SNX25: variants seen among roughly 807,000 people sequenced by gnomAD.
SNX25 encodes sorting nexin-25.
Under a neutral mutation model 113.7 loss-of-function variants are expected in SNX25, and 62 were observed. The ratio of observed to expected loss-of-function variants is 0.55; its 90% CI spans 0.44 to 0.67. The LOEUF (loss-of-function observed/expected upper bound fraction) is 0.67. SNX25 is among the 30% of genes least tolerant of loss of function. The pLI is 0.00. For missense variants in SNX25, 1,014 were observed against 1,161.0 expected (o/e 0.87, Z 1.84); for synonymous variants, 421 against 436.2 (o/e 0.97, Z 0.43).
upstream of SNX25, among the ~76,000 whole-genome samples, chr4:185,206,660 CAAAAAAAAAA>C (rs375061067): frequency 1.0e-4 from 8 of 77,438 alleles, no homozygotes; most frequent in East Asian, 2.8e-3. Context: ...ACTCTTGTCT[CAAAAAAAAAA>C]AAAAAAAAAA....
At chr4:185,307,529 A>G (rs1353277217) in intron 6 of SNX25, among the ~76,000 whole-genome samples, 3 of 151,934 alleles carry the variant, frequency 2.0e-5, no homozygotes, top group Non-Finnish European at 4.4e-5. Context: ...GCCTCTGATC[A>G]CTCAGTCTTT....
At chr4:185,314,800 G>A (rs2095057924) in intron 7 of SNX25, among the ~76,000 whole-genome samples, 3 of 147,868 alleles carry the variant, frequency 2.0e-5, no homozygotes, top group African/African-American at 7.5e-5. Flanking sequence ...GGAAGTTGCA[G>A]TGAGCCGAGA....
intron 7 of SNX25, among the ~76,000 whole-genome samples, chr4:185,312,956 T>G (rs931556649): frequency 6.6e-6 from 1 of 152,222 alleles, no homozygotes; most frequent in African/African-American, 2.4e-5. Flanking sequence ...CCAATAGTTA[T>G]GGTCATTTGC....
At chr4:185,212,491 G>GTTTGTTTT (rs1553980597) in intron 1 of SNX25, among the ~76,000 whole-genome samples, 1 of 104,944 alleles carries the variant, frequency 9.5e-6, no homozygotes. Flanking sequence ...GTGTGTGTGT[G>GTTTGTTTT]TTTTTTTTTT....
chr4:185,340,392 G>T (rs1034983500), intron 11 of SNX25, among the ~76,000 whole-genome samples: 7 of 152,134 alleles, frequency 4.6e-5, no homozygotes, highest in African/African-American at 1.7e-4. Context: ...GTACATGAGG[G>T]CCTAACCAGG....
At chr4:185,360,206 TTC>T (rs1344490483) in intron 16 of SNX25, among the ~76,000 whole-genome samples, 1 of 152,240 alleles carries the variant, frequency 6.6e-6, no homozygotes, top group East Asian at 1.9e-4. Context: ...GGTCAGCAGA[TTC>T]TCTCTTAAAC....
At chr4:185,348,637 C>T (rs1561042759) in intron 13 of SNX25, among the ~76,000 whole-genome samples, 1 of 152,046 alleles carries the variant, frequency 6.6e-6, no homozygotes, top group Non-Finnish European at 1.5e-5. Flanking sequence ...CCTCAGGTGA[C>T]CAATCTGCCT....
intron 6 of SNX25, among the ~76,000 whole-genome samples, chr4:185,309,866 A>G (rs769459139): frequency 3.3e-5 from 5 of 152,194 alleles, no homozygotes; most frequent in Non-Finnish European, 7.3e-5. Context: ...GCTTCTCAGT[A>G]CTTTTGGGCT....
chr4:185,334,797 G>A lies in SNX25; in HGVS notation c.1914+2038G>A, dbSNP rs2095218634. Among the ~76,000 whole-genome samples, 1 of 152,114 alleles carries A rather than the reference G, an allele frequency of 6.6e-6. No homozygotes were observed. The highest frequency in any genetic ancestry group is 1.5e-5 in the Non-Finnish European group (1 of 68,022). On this transcript the variant is annotated intron_variant, in intron 10 of 18. Transcript: ENST00000652585. The surrounding 1 kb of genome is among the most constrained non-coding windows in gnomAD (Gnocchi z 4.2). ...TATGAAAGAATTCTCAAGAAACTTG[G>A]AGCGATTCACTGGTACTGTGGCTTA... is the stretch of plus-strand genomic sequence containing the variant.
At chr4:185,295,400 A>G (rs574719738) in intron 6 of SNX25, among the ~76,000 whole-genome samples, 51 of 152,234 alleles carry the variant, frequency 3.4e-4, no homozygotes, top group African/African-American at 1.2e-3. Flanking sequence ...ATACATTAAT[A>G]CACACAATAT....
rs147944826 is a variant in SNX25, at chr4:185,324,626, T to C, written c.1749+826T>C. Among the ~76,000 whole-genome samples the C allele has an allele frequency of 4.5e-3, 692 of 152,198 alleles. 3 individuals are homozygous for C. The highest frequency in any genetic ancestry group is 0.01 in the Middle Eastern group (3 of 294). On this transcript the variant is annotated intron_variant, in intron 9 of 18. Coordinates refer to ENST00000652585, the MANE Select transcript of SNX25 (RefSeq NM_001378034.2). ...TTGTCTCTGGTCGGGGAGGGATTTATCTTAGGGTTGGAACGTTTCTAGTTG... is the reference window on the plus strand; with the variant it reads ...TTGTCTCTGGTCGGGGAGGGATTTACCTTAGGGTTGGAACGTTTCTAGTTG...
chr4:185,241,517 AGAGGGAGAGGAGGGAGAGGGAGAG>A (rs1349485891), intron 1 of SNX25, among the ~76,000 whole-genome samples: 9 of 45,402 alleles, frequency 2.0e-4, no homozygotes, highest in African/African-American at 4.3e-4. Flanking sequence ...GGGGAGAGGG[AGAGGGAGAGGAGGGAGAGGGAGAG>A]GAGGGAGAGG....
intron 8 of SNX25, 78 bp downstream of exon 8, chr4:185,320,942 C>A: frequency 7.5e-7 from 1 of 1,324,978 alleles, no homozygotes; most frequent in Non-Finnish European, 1.0e-6. Context: ...GTCTGTTTTT[C>A]TCAAGATAAG....
intron 1 of SNX25, among the ~76,000 whole-genome samples, chr4:185,224,586 T>C (rs1740669819): frequency 6.9e-6 from 1 of 144,056 alleles, no homozygotes; most frequent in South Asian, 2.1e-4. Flanking sequence ...TAAATATATA[T>C]AAATATATAA....
At chr4:185,243,728 G>A (rs1744421754) in intron 1 of SNX25, among the ~76,000 whole-genome samples, 1 of 152,180 alleles carries the variant, frequency 6.6e-6, no homozygotes, top group Admixed American at 6.5e-5. Flanking sequence ...TTATTCAGAT[G>A]TAGTCAGTAG....
intron 6 of SNX25, among the ~76,000 whole-genome samples, chr4:185,300,579 C>T (rs1472044521): frequency 6.6e-6 from 1 of 151,848 alleles, no homozygotes; most frequent in Non-Finnish European, 1.5e-5. Context: ...GTGGACTTCT[C>T]CGGGTCTTTT....
chr4:185,219,319 G>T (rs1427298046), intron 1 of SNX25, among the ~76,000 whole-genome samples: 1 of 152,134 alleles, frequency 6.6e-6, no homozygotes, highest in Non-Finnish European at 1.5e-5. Flanking sequence ...CAGAACTTTG[G>T]GAGGCTGAGG....
At chr4:185,310,105 C>T (rs866529175) in intron 6 of SNX25, among the ~76,000 whole-genome samples, 23 of 152,322 alleles carry the variant, frequency 1.5e-4, no homozygotes, top group Middle Eastern at 3.4e-3. Context: ...CTCAAAGAAG[C>T]CTGAGTTAGA....
At chr4:185,317,235 G>C (rs1056884531) in intron 7 of SNX25, among the ~76,000 whole-genome samples, 1 of 152,180 alleles carries the variant, frequency 6.6e-6, no homozygotes, top group Non-Finnish European at 1.5e-5. Flanking sequence ...CATCATCACT[G>C]GTCATTAGAG....
Sources: allele counts gnomAD v4.1 joint callset (sites outside exome capture counted in the v4.1 genomes callset), GRCh38; gene constraint gnomAD v4.1.1; non-coding constraint Gnocchi (gnomAD v3.1); transcripts MANE v1.5; gene names NCBI Gene and HGNC (gene_info 2026-07-23, HGNC 2026-07-21).